The following LRP1B variants were observed in gnomAD, a reference collection of about 807,000 sequenced individuals.
The protein encoded by LRP1B is low-density lipoprotein receptor-related protein 1B.
Under a neutral mutation model 556.6 loss-of-function variants are expected in LRP1B, and 217 were observed. The ratio of observed to expected loss-of-function variants is 0.39; its 90% CI spans 0.35 to 0.44. The LOEUF is 0.44. LRP1B is among the 20% of genes least tolerant of loss of function. The pLI, the probability that LRP1B is intolerant of heterozygous loss-of-function variation, is 1.00. For synonymous variants in LRP1B, 2,047 were observed against 1,865.8 expected, an observed-to-expected ratio of 1.10 and a Z score of -2.50; for missense variants, 5,053 against 5,620.8, an observed-to-expected ratio of 0.90 and a Z score of 3.23.
At chr2:140,971,959 C>T (rs1271288758) in intron 18 of LRP1B, among the ~76,000 whole-genome samples, 2 of 152,210 alleles carry the variant, frequency 1.3e-5, no homozygotes, top group African/African-American at 4.8e-5. Context: ...TTATCAGCAA[C>T]AAGCACTGCA....
chr2:141,739,603 A>G (rs1693621357), intron 2 of LRP1B, among the ~76,000 whole-genome samples: 1 of 151,950 alleles, frequency 6.6e-6, no homozygotes, highest in Non-Finnish European at 1.5e-5. Flanking sequence ...TATTGTCTTC[A>G]CTTGCGAAGT....
chr2:140,472,975 G>A (rs1328463567), intron 60 of LRP1B, among the ~76,000 whole-genome samples: 2 of 152,028 alleles, frequency 1.3e-5, no homozygotes, highest in Non-Finnish European at 2.9e-5. Context: ...AGTGGCTAGT[G>A]ATGAAGTAAC....
chr2:141,641,258 G>A (rs1474483737), intron 2 of LRP1B, among the ~76,000 whole-genome samples: 1 of 152,110 alleles, frequency 6.6e-6, no homozygotes, highest in Non-Finnish European at 1.5e-5. Flanking sequence ...ATCATTAAAT[G>A]TATTTACTGA....
intron 71 of LRP1B, among the ~76,000 whole-genome samples, chr2:140,365,207 A>G (rs1393071713): frequency 6.6e-6 from 1 of 151,628 alleles, no homozygotes; most frequent in African/African-American, 2.4e-5. Context: ...TATCTGAAAT[A>G]CTGATAAACT....
At chr2:140,781,611 C>T (rs1480129559) in intron 32 of LRP1B, among the ~76,000 whole-genome samples, 2 of 152,104 alleles carry the variant, frequency 1.3e-5, no homozygotes, top group African/African-American at 2.4e-5. Context: ...TAGAGACAGA[C>T]ATAGATAAAT....
chr2:141,724,875 T>C (rs369525524), intron 2 of LRP1B, among the ~76,000 whole-genome samples: 2 of 151,996 alleles, frequency 1.3e-5, no homozygotes, highest in South Asian at 2.1e-4. Flanking sequence ...TTATTTTCAA[T>C]TAAAATTACA....
chr2:141,499,241 A>T lies in LRP1B; in HGVS notation c.206-18708T>A, dbSNP rs552193013. Among the ~76,000 whole-genome samples, 57 of 152,198 alleles carry T rather than the reference A, an allele frequency of 3.7e-4. No homozygotes were observed. The South Asian group carries it at 7.2e-3, about 19-fold the overall frequency. On this transcript the variant is annotated intron_variant, in intron 2 of 90. Transcript: ENST00000389484. ...TACAGGTGCAGAAATAGAGACCCAG[A>T]GATAACTGTCTTGTGCAATGTCACA...
intron 37 of LRP1B, among the ~76,000 whole-genome samples, chr2:140,705,993 G>A (rs115429514): frequency 0.017 from 2,538 of 151,998 alleles, 90 homozygotes; most frequent in Admixed American, 0.072. Flanking sequence ...GAAACTTTGG[G>A]GATTATAAAC....
intron 1 of LRP1B, among the ~76,000 whole-genome samples, chr2:142,116,968 G>C (rs765697824): frequency 2.6e-5 from 4 of 152,122 alleles, no homozygotes; most frequent in Non-Finnish European, 5.9e-5. Context: ...TATCTCTGCT[G>C]TCTTCCCTTT....
chr2:142,026,542 T>C (rs1703512148), intron 1 of LRP1B, among the ~76,000 whole-genome samples: 1 of 152,142 alleles, frequency 6.6e-6, no homozygotes, highest in African/African-American at 2.4e-5. Flanking sequence ...CTCTAGTGAC[T>C]AAATTTAATA....
At chr2:141,761,835 T>A (rs1273250686) in intron 2 of LRP1B, among the ~76,000 whole-genome samples, 1 of 152,152 alleles carries the variant, frequency 6.6e-6, no homozygotes, top group Non-Finnish European at 1.5e-5. Flanking sequence ...AAGCTAGTAG[T>A]TTGCACTGTG....
intron 43 of LRP1B, among the ~76,000 whole-genome samples, chr2:140,551,043 G>A (rs1486827759): frequency 1.3e-5 from 2 of 152,102 alleles, no homozygotes; most frequent in African/African-American, 4.8e-5. Context: ...AAGCCAGGAA[G>A]CGGTAAAGCC....
At chr2:140,429,522 C>T (rs1685823928) in intron 66 of LRP1B, among the ~76,000 whole-genome samples, 2 of 152,166 alleles carry the variant, frequency 1.3e-5, no homozygotes, top group African/African-American at 4.8e-5. Flanking sequence ...AGATAGCACC[C>T]GTTACTTCAG....
At chr2:141,282,830 C>A (rs1685558985) in intron 3 of LRP1B, among the ~76,000 whole-genome samples, 1 of 152,068 alleles carries the variant, frequency 6.6e-6, no homozygotes, top group Non-Finnish European at 1.5e-5. Flanking sequence ...TATAAGACTT[C>A]TTCAAATGGT....
At chr2:141,692,325 G>A (rs1691566108) in intron 2 of LRP1B, among the ~76,000 whole-genome samples, 1 of 151,938 alleles carries the variant, frequency 6.6e-6, no homozygotes, top group South Asian at 2.1e-4. Flanking sequence ...TTATCTATAA[G>A]TTTTACTCTA....
intron 2 of LRP1B, among the ~76,000 whole-genome samples, chr2:141,557,410 T>C (rs924837154): frequency 6.6e-6 from 1 of 151,902 alleles, no homozygotes; most frequent in African/African-American, 2.4e-5. Flanking sequence ...CCTTGGGTGG[T>C]GAAATGCAAG....
chr2:141,124,727 A>T (rs1701158172), intron 7 of LRP1B, among the ~76,000 whole-genome samples: 1 of 151,946 alleles, frequency 6.6e-6, no homozygotes, highest in African/African-American at 2.4e-5. Context: ...AAACAATCTC[A>T]TTGAATCTCA....
At chr2:141,154,384 T>C in intron 7 of LRP1B, among the ~76,000 whole-genome samples, 1 of 152,000 alleles carries the variant, frequency 6.6e-6, no homozygotes, top group South Asian at 2.1e-4. Flanking sequence ...TCCAATAGTT[T>C]TCACAATTTC....
chr2:142,124,626 A>G (rs4662401), intron 1 of LRP1B, among the ~76,000 whole-genome samples: 117,903 of 149,842 alleles, frequency 0.79, 47,022 homozygotes, highest in East Asian at 0.95. Context: ...TCAATATAGT[A>G]AATTCTCTTT....
Sources: allele counts gnomAD v4.1 joint callset (sites outside exome capture counted in the v4.1 genomes callset), GRCh38; gene constraint gnomAD v4.1.1; transcripts MANE v1.5; gene names NCBI Gene and HGNC (gene_info 2026-07-23, HGNC 2026-07-21).